The following EVC variants were observed in gnomAD, a reference collection of about 807,000 sequenced individuals.
EVC encodes EvC ciliary complex subunit 1, also known as evC complex member EVC.
In EVC, 116 loss-of-function variants were observed where a neutral mutation model predicts 118.9. The ratio of observed to expected loss-of-function variants is 0.98; its 90% confidence interval spans 0.84 to 1.14. The LOEUF (loss-of-function observed/expected upper bound fraction) is 1.14. Among genes scored for constraint, EVC ranks in the 50% most tolerant of loss-of-function variants. EVC has a pLI of 0.00. For missense variants in EVC, 1,401 were observed against 1,246.4 expected (o/e 1.12, Z -1.87); for synonymous variants, 619 against 534.7 (o/e 1.16, Z -2.18).
At chr4:5,711,905 C>G (rs1193040337) in intron 1 of EVC, among the ~76,000 whole-genome samples, 1 of 152,220 alleles carries the variant, frequency 6.6e-6, no homozygotes, top group Admixed American at 6.5e-5. Flanking sequence ...GGGGCTCCCA[C>G]GCCTGAATGC....
the EVC span, among the ~76,000 whole-genome samples, chr4:5,827,857 C>T: frequency 1.8e-4 from 28 of 152,288 alleles, no homozygotes; most frequent in African/African-American, 6.5e-4. Flanking sequence ...GGGCGGGAGT[C>T]TCTCTCAGCT....
At chr4:5,802,615 G>A (rs1347597193) in intron 16 of EVC, among the ~76,000 whole-genome samples, 1 of 152,176 alleles carries the variant, frequency 6.6e-6, no homozygotes, top group Non-Finnish European at 1.5e-5. Flanking sequence ...AATCACATCT[G>A]GGGGTTATGG....
At chr4:5,787,867 C>G (rs115337940) in intron 12 of EVC, among the ~76,000 whole-genome samples, 2,321 of 152,270 alleles carry the variant, frequency 0.015, 64 homozygotes, top group African/African-American at 0.053. Context: ...CATTTCATCA[C>G]CAAGTCTGCT....
intron 13 of EVC, among the ~76,000 whole-genome samples, chr4:5,796,773 T>G (rs112966680): frequency 1.8e-4 from 28 of 151,944 alleles, no homozygotes; most frequent in African/African-American, 6.5e-4. Context: ...CTGCATACCA[T>G]AGGCTGCTGT....
chr4:5,729,040 C>G (rs572445407), intron 2 of EVC, among the ~76,000 whole-genome samples: 1 of 152,234 alleles, frequency 6.6e-6, no homozygotes, highest in Admixed American at 6.5e-5. Flanking sequence ...ATTCATCTGT[C>G]TACCTATCCA....
chr4:5,730,232 C>A (rs1726566724), intron 3 of EVC, among the ~76,000 whole-genome samples: 1 of 152,180 alleles, frequency 6.6e-6, no homozygotes, highest in Admixed American at 6.5e-5. Context: ...GGGCTCAGAA[C>A]AGTGCACAAC....
chr4:5,750,300 T>C (rs1730158130), intron 8 of EVC, among the ~76,000 whole-genome samples: 1 of 152,228 alleles, frequency 6.6e-6, no homozygotes, highest in South Asian at 2.1e-4. Flanking sequence ...TTTTTTCTTT[T>C]GCTATCAGCA....
downstream of EVC, among the ~76,000 whole-genome samples, chr4:5,815,238 A>G (rs937804780): frequency 4.6e-5 from 7 of 152,318 alleles, no homozygotes; most frequent in African/African-American, 1.7e-4. Context: ...CACAGGTGGC[A>G]GAAGTGTGAG....
intron 5 of EVC, among the ~76,000 whole-genome samples, chr4:5,739,141 A>C (rs1350617716): frequency 6.6e-6 from 1 of 152,186 alleles, no homozygotes; most frequent in East Asian, 1.9e-4. Flanking sequence ...CCTTCATTTG[A>C]ATCTATAACT....
Position 5,719,509 on chromosome 4 carries a change from A to G in EVC, c.300+136A>G. On this transcript the variant is annotated intron_variant, in intron 2 of 20. Transcript: ENST00000264956. This position sits in a 1 kb window ranked among gnomAD's most constrained non-coding sequence, Gnocchi z 4.7. ...GGGCTGCTTTTCTGAGGCATAATTT[A>G]CATACAGTCAAATGCGCAGACTTTA... 7.8e-7 allele frequency: 1 copy of G among 1,288,046 alleles called. No individual in the cohort carries two copies. The highest frequency in any genetic ancestry group is 1.1e-6 in the Non-Finnish European group (1 of 895,776). 79.8% of individuals were successfully genotyped at this position (1,288,046 alleles called of 1,614,324 possible).
In EVC at chr4:5,754,473, A is replaced by G. The variant is rs1272119284; in HGVS notation, c.1464+540A>G. Among the ~76,000 whole-genome samples the G allele has an allele frequency of 6.6e-6, 1 of 152,136 alleles. No homozygotes were observed. The highest frequency in any genetic ancestry group is 1.5e-5 in the Non-Finnish European group (1 of 68,016). ...AAGACCTGAAGGAGGACAAAAAGCAAGATGTCACCCTCCAAGGAAAAGGAG... is the reference window on the plus strand; with the variant it reads ...AAGACCTGAAGGAGGACAAAAAGCAGGATGTCACCCTCCAAGGAAAAGGAG... On this transcript the variant is annotated intron_variant, in intron 10 of 20. Coordinates refer to ENST00000264956, the MANE Select transcript of EVC (RefSeq NM_153717.3). The surrounding 1 kb of genome is among the most constrained non-coding windows in gnomAD (Gnocchi z 5.8).
chr4:5,751,102 A>C (rs1730289146), intron 8 of EVC, among the ~76,000 whole-genome samples: 1 of 152,220 alleles, frequency 6.6e-6, no homozygotes, highest in Admixed American at 6.5e-5. Context: ...ATAATGGTGA[A>C]AACAGCTGAC....
intron 17 of EVC, among the ~76,000 whole-genome samples, chr4:5,806,883 G>C (rs886823061): frequency 7.2e-5 from 11 of 152,204 alleles, no homozygotes; most frequent in African/African-American, 2.2e-4. Context: ...CATTCTAACT[G>C]GGGTAAGATG....
the EVC span, chr4:5,828,599 T>G: frequency 3.7e-6 from 6 of 1,614,096 alleles, no homozygotes; most frequent in Non-Finnish European, 5.1e-6. Context: ...AAGACGATCT[T>G]GCCCTGGCTG....
intron 8 of EVC, among the ~76,000 whole-genome samples, chr4:5,752,469 G>T (rs1000974742): frequency 7.9e-5 from 12 of 152,138 alleles, no homozygotes; most frequent in African/African-American, 2.7e-4. Flanking sequence ...AGCCCTGTGG[G>T]GGCCACAGGG....
At chr4:5,805,891 C>CTTTT (rs4045512) in intron 17 of EVC, among the ~76,000 whole-genome samples, 2,026 of 123,894 alleles carry the variant, frequency 0.016, 71 homozygotes, top group Admixed American at 0.071. Flanking sequence ...AGTTTCTTTT[C>CTTTT]TTTTTTTTTT....
the EVC span, chr4:5,824,254 C>T: frequency 3.1e-6 from 3 of 981,440 alleles, no homozygotes; most frequent in Non-Finnish European, 3.6e-6. Flanking sequence ...CAGGATGAAG[C>T]CAATCCCTGG....
At chr4:5,827,899 A>AAGTT in the EVC span, 1 of 426,656 alleles carries the variant, frequency 2.3e-6, no homozygotes, top group East Asian at 1.6e-4. Flanking sequence ...AGTTGCTCTA[A>AAGTT]AGTTAGGAAT....
chr4:5,716,720 G>C (rs1165019361), intron 1 of EVC, among the ~76,000 whole-genome samples: 2 of 152,214 alleles, frequency 1.3e-5, no homozygotes, highest in African/African-American at 4.8e-5. Flanking sequence ...TGCTTATCAA[G>C]TTGTTGATAA....
Sources: gnomAD v4.1 joint callset for allele counts (sites outside exome capture counted in the v4.1 genomes callset) on GRCh38, gnomAD v4.1.1 for gene constraint, Gnocchi (gnomAD v3.1) non-coding constraint, MANE v1.5 for transcripts, NCBI Gene and HGNC (gene_info 2026-07-23, HGNC 2026-07-21) for gene names.